The following LAMA2 variants were observed in gnomAD, a reference collection of about 807,000 sequenced individuals.
LAMA2 encodes laminin subunit alpha-2.
A neutral mutation model predicts 364.8 loss-of-function variants in LAMA2; 269 were observed. The ratio of observed to expected loss-of-function variants is 0.74; its 90% confidence interval spans 0.67 to 0.82. The LOEUF (loss-of-function observed/expected upper bound fraction) is 0.82. Ranked by LOEUF, LAMA2 falls within the 40% of genes least tolerant of loss-of-function variation. The pLI is 0.00. For missense variants in LAMA2, 3,807 were observed against 3,873.2 expected (o/e 0.98, Z 0.45); for synonymous variants, 1,379 against 1,370.6 (o/e 1.01, Z -0.14).
intron 40 of LAMA2, among the ~76,000 whole-genome samples, chr6:129,413,365 C>G (rs1223053474): frequency 1.3e-5 from 2 of 152,034 alleles, no homozygotes; most frequent in Non-Finnish European, 2.9e-5. Flanking sequence ...TACCATATCT[C>G]TCTTAAAAAG....
At chr6:129,286,714 A>T (rs1248485805) in intron 18 of LAMA2, among the ~76,000 whole-genome samples, 2 of 2,054 alleles carry the variant, frequency 9.7e-4, no homozygotes, top group African/African-American at 9.4e-3. Context: ...ATAATATATA[A>T]TATATTATAT....
At chr6:128,980,371 G>A (rs1451175617) in intron 1 of LAMA2, among the ~76,000 whole-genome samples, 2 of 152,164 alleles carry the variant, frequency 1.3e-5, no homozygotes, top group Non-Finnish European at 2.9e-5. Flanking sequence ...AACCTGCCAG[G>A]TTCTAGACTT....
chr6:129,105,607 GA>G (rs1375801759), intron 4 of LAMA2, among the ~76,000 whole-genome samples: 2 of 152,124 alleles, frequency 1.3e-5, no homozygotes, highest in Non-Finnish European at 2.9e-5. Flanking sequence ...GTTATTTAGG[GA>G]AAGAATATTG....
chr6:129,202,187 C>CAAAAA (rs776190977), intron 12 of LAMA2, among the ~76,000 whole-genome samples: 579 of 59,804 alleles, frequency 9.7e-3, no homozygotes, highest in Middle Eastern at 0.019. Context: ...GAGTCTGTCT[C>CAAAAA]AAAAAAAAAA....
chr6:128,892,243 C>A (rs1199513472), intron 1 of LAMA2, among the ~76,000 whole-genome samples: 1 of 151,856 alleles, frequency 6.6e-6, no homozygotes, highest in African/African-American at 2.4e-5. Context: ...ATAATTCTGT[C>A]GAGGTTACAC....
intron 20 of LAMA2, chr6:129,293,153 A>G: frequency 1.1e-6 from 1 of 878,898 alleles, no homozygotes; most frequent in Non-Finnish European, 1.4e-6. Flanking sequence ...CATTTTACCA[A>G]ATAACAGTTG....
chr6:128,917,650 CAA>C (rs1778407946), intron 1 of LAMA2, among the ~76,000 whole-genome samples: 1 of 150,454 alleles, frequency 6.6e-6, no homozygotes, highest in African/African-American at 2.4e-5. Context: ...CATTTTCTTA[CAA>C]CTTTTTCTCT....
In LAMA2 at chr6:129,115,874, G is replaced by C. The variant is rs551435298; in HGVS notation, c.639+17459G>C. ...TAATTTACATAACACATCCGACTAA[G>C]GTGCAGATGTAATAAATGACAGCTG... On this transcript the variant is annotated intron_variant, in intron 4 of 64. Coordinates refer to ENST00000421865, the MANE Select transcript of LAMA2 (RefSeq NM_000426.4). Among the ~76,000 whole-genome samples, 5 of 152,214 alleles carry C rather than the reference G, an allele frequency of 3.3e-5. No individual in the cohort carries two copies. In the South Asian group the frequency reaches 1.0e-3, roughly 32 times the overall value.
chr6:129,155,984 A>G (rs1779090297), intron 8 of LAMA2, among the ~76,000 whole-genome samples: 1 of 151,944 alleles, frequency 6.6e-6, no homozygotes, highest in Non-Finnish European at 1.5e-5. Context: ...ATAAAATTTC[A>G]GTTAGATAGT....
chr6:129,059,983 G>A (rs1466639112), intron 3 of LAMA2, 87 bp downstream of exon 3: 1 of 767,030 alleles, frequency 1.3e-6, no homozygotes, highest in Non-Finnish European at 2.3e-6. Flanking sequence ...GTGGGTGAAA[G>A]GATACTCTTT....
chr6:129,240,593 G>A (rs1785331935), intron 12 of LAMA2, among the ~76,000 whole-genome samples: 1 of 152,142 alleles, frequency 6.6e-6, no homozygotes, highest in Non-Finnish European at 1.5e-5. Context: ...AGTCTAATTT[G>A]TCAACTACTC....
chr6:128,929,601 CA>C, intron 1 of LAMA2: 2 of 1,345,624 alleles, frequency 1.5e-6, no homozygotes, highest in Non-Finnish European at 2.1e-6. Context: ...CCAGATGCCG[CA>C]AAAGCGCTTC....
intron 14 of LAMA2, among the ~76,000 whole-genome samples, chr6:129,254,896 C>T (rs1786525712): frequency 6.6e-6 from 1 of 152,128 alleles, no homozygotes; most frequent in Non-Finnish European, 1.5e-5. Context: ...AGTGTATTTT[C>T]CTCTAACTTT....
intron 40 of LAMA2, among the ~76,000 whole-genome samples, chr6:129,411,455 A>G (rs1344954739): frequency 2.0e-5 from 3 of 152,224 alleles, no homozygotes; most frequent in African/African-American, 7.2e-5. Context: ...AAGTGAAGAA[A>G]AGGGGAGAAG....
intron 43 of LAMA2, among the ~76,000 whole-genome samples, chr6:129,442,470 A>C (rs1443615203): frequency 6.6e-6 from 1 of 152,200 alleles, no homozygotes; most frequent in African/African-American, 2.4e-5. Context: ...ATGAAAACAA[A>C]ATTTTAATCA....
chr6:129,206,638 T>A (rs778794724), intron 12 of LAMA2, among the ~76,000 whole-genome samples: 1 of 152,214 alleles, frequency 6.6e-6, no homozygotes, highest in Non-Finnish European at 1.5e-5. Flanking sequence ...AAAGCTTACA[T>A]TTTTTATTCC....
At chr6:129,256,763 C>CAAATATATATATATATATAT (rs749883373) in intron 14 of LAMA2, among the ~76,000 whole-genome samples, 2 of 87,954 alleles carry the variant, frequency 2.3e-5, no homozygotes, top group African/African-American at 8.3e-5. Flanking sequence ...AATTATATAG[C>CAAATATATATATATATATAT]ATATATATAT....
rs200362292 is a variant in LAMA2, at chr6:129,204,778, T to TTA, written c.1782+11936_1782+11937dup. Among the ~76,000 whole-genome samples, 122 of 151,076 alleles carry TTA rather than the reference T, an allele frequency of 8.1e-4. 2 individuals are homozygous for TTA. In the East Asian group the frequency reaches 0.017, roughly 21 times the overall value. ...TAAAATCTCATAATTTTCATTCTTG[T>TTA]TATATATATATAAAACAAATAAAAG... On this transcript the variant is annotated intron_variant, in intron 12 of 64. Transcript: ENST00000421865.
intron 37 of LAMA2, among the ~76,000 whole-genome samples, chr6:129,400,615 C>T (rs1207394062): frequency 1.3e-5 from 2 of 152,164 alleles, no homozygotes; most frequent in Non-Finnish European, 2.9e-5. Flanking sequence ...TTGTCTCTCA[C>T]TGATTTTACT....
Sources: allele counts gnomAD v4.1 joint callset (sites outside exome capture counted in the v4.1 genomes callset), GRCh38; gene constraint gnomAD v4.1.1; transcripts MANE v1.5; gene names NCBI Gene and HGNC (gene_info 2026-07-23, HGNC 2026-07-21).